The following BTBD7 variants were observed in gnomAD, a reference collection of about 807,000 sequenced individuals.
The protein encoded by BTBD7 is BTB/POZ domain-containing protein 7.
A neutral mutation model predicts 99.9 loss-of-function variants in BTBD7; 38 were observed. The ratio of observed to expected loss-of-function variants is 0.38; its 90% CI spans 0.29 to 0.50. The LOEUF (loss-of-function observed/expected upper bound fraction) is 0.50, where lower values mean the gene tolerates loss of function less well. Among genes scored for constraint, BTBD7 ranks in the 20% least tolerant of loss-of-function variants. The pLI, the probability that BTBD7 is intolerant of heterozygous loss-of-function variation, is 0.93. For missense variants in BTBD7, 1,170 were observed against 1,394.6 expected, an observed-to-expected ratio of 0.84 and a Z score of 2.57; for synonymous variants, 520 against 511.4, an observed-to-expected ratio of 1.02 and a Z score of -0.23.
intron 5 of BTBD7, among the ~76,000 whole-genome samples, chr14:93,260,890 T>C (rs2052481581): frequency 6.6e-6 from 1 of 152,062 alleles, no homozygotes; most frequent in Admixed American, 6.5e-5. Context: ...AATGAATGCT[T>C]TTTTATTTGT....
intron 10 of BTBD7, 64 bp downstream of exon 10, chr14:93,245,761 A>C (rs2052296787): frequency 6.5e-7 from 1 of 1,549,786 alleles, no homozygotes; most frequent in Admixed American, 1.8e-5. Context: ...TCTTGGGGCC[A>C]AGAAAATTGC....
At chr14:93,328,812 G>A (rs1372914955) in intron 1 of BTBD7, among the ~76,000 whole-genome samples, 1 of 151,988 alleles carries the variant, frequency 6.6e-6, no homozygotes, top group Non-Finnish European at 1.5e-5. Flanking sequence ...CAGCTGTTCG[G>A]GAGGCTGAGA....
chr14:93,248,074 T>C (rs1331534157), intron 9 of BTBD7, among the ~76,000 whole-genome samples: 1 of 152,244 alleles, frequency 6.6e-6, no homozygotes, highest in Non-Finnish European at 1.5e-5. Context: ...TCTCTGGGCA[T>C]GCACACTGTG....
At position 93,245,689 on chromosome 14, in the gene BTBD7, C is replaced by G. The variant is rs2052295975; in HGVS notation, c.2583+136G>C. 5.5e-6 allele frequency: 8 copies of G among 1,457,428 alleles called. No homozygotes were observed. In the Admixed American group the frequency reaches 1.6e-4, roughly 29 times the overall value. The allele number at this position is 1,457,428 out of a possible 1,614,324, so 90.3% of individuals were successfully genotyped here. Reference sequence around the variant, plus strand: ...GCGTTTTTCCCTCTTTTCCATACCCCTCAAGTCTATGCCTTCCACTTGTCA... The same window carrying G: ...GCGTTTTTCCCTCTTTTCCATACCCGTCAAGTCTATGCCTTCCACTTGTCA... On this transcript the variant is annotated intron_variant, in intron 10 of 10. Coordinates refer to ENST00000334746, the MANE Select transcript of BTBD7 (RefSeq NM_001002860.4).
At chr14:93,278,863 TG>T (rs2052686574) in intron 3 of BTBD7, among the ~76,000 whole-genome samples, 1 of 152,192 alleles carries the variant, frequency 6.6e-6, no homozygotes, top group Admixed American at 6.5e-5. Context: ...GGTGAATTTT[TG>T]GTACCCCATT....
chr14:93,289,426 C>G (rs569036180), intron 3 of BTBD7, among the ~76,000 whole-genome samples: 1 of 152,216 alleles, frequency 6.6e-6, no homozygotes, highest in Non-Finnish European at 1.5e-5. Context: ...TTCCACCTGG[C>G]CTGAGCCACG....
intron 3 of BTBD7, among the ~76,000 whole-genome samples, chr14:93,264,365 G>A (rs1229350717): frequency 6.6e-6 from 1 of 152,190 alleles, no homozygotes; most frequent in African/African-American, 2.4e-5. Flanking sequence ...GGAAGGAAGT[G>A]GATGACACCT....
intron 3 of BTBD7, among the ~76,000 whole-genome samples, chr14:93,281,446 CT>C (rs1243554663): frequency 3.3e-5 from 5 of 152,094 alleles, no homozygotes; most frequent in Non-Finnish European, 7.4e-5. Context: ...CCAAAAGGTA[CT>C]TTTTGTTGAC....
chr14:93,296,441 G>T (rs529575846), intron 1 of BTBD7, among the ~76,000 whole-genome samples: 1 of 152,238 alleles, frequency 6.6e-6, no homozygotes, highest in African/African-American at 2.4e-5. Context: ...TGAAAACACA[G>T]GGAAAAGTAC....
Position 93,242,395 on chromosome 14 carries a change from C to T in BTBD7, c.3277G>A (p.Asp1093Asn). 1 of 1,614,104 alleles carries T rather than the reference C, an allele frequency of 6.2e-7. No homozygotes were observed. The highest frequency in any genetic ancestry group is 1.7e-5 in the Admixed American group (1 of 60,004). Reference sequence around the variant, plus strand: ...GCTCCATGGCCCAGGGACTCACTGTCTGCCAGTCTTCTACCGGATCTCTCT... The same window carrying T: ...GCTCCATGGCCCAGGGACTCACTGTTTGCCAGTCTTCTACCGGATCTCTCT... ...PEERSGRRLA[D>N]SESLGHGAQR... is the part of the protein sequence containing the mutation. The change falls in exon 11 of 11, where the codon GAC (aspartate) becomes AAC (asparagine). Residue 1093 changes from aspartate (D) to asparagine (N), a missense_variant. Asp to Asn is a conservative substitution (Grantham distance 23). Transcript: ENST00000334746.
chr14:93,306,684 T>C (rs781168931), intron 1 of BTBD7, among the ~76,000 whole-genome samples: 1 of 152,184 alleles, frequency 6.6e-6, no homozygotes, highest in Non-Finnish European at 1.5e-5. Flanking sequence ...TAATGGTGCT[T>C]ATTTCTTGAG....
intron 10 of BTBD7, chr14:93,244,034 CG>C (rs1357556963): frequency 2.8e-6 from 1 of 352,954 alleles, no homozygotes; most frequent in African/African-American, 2.2e-5. Context: ...TAAAACCCAT[CG>C]GACTTTCTGT....
chr14:93,306,993 T>C (rs1301186010), intron 1 of BTBD7, among the ~76,000 whole-genome samples: 1 of 152,180 alleles, frequency 6.6e-6, no homozygotes, highest in Non-Finnish European at 1.5e-5. Context: ...GAAAATAACA[T>C]TTCAGAGGAA....
chr14:93,286,587 G>C (rs2139750921), intron 3 of BTBD7, among the ~76,000 whole-genome samples: 1 of 152,256 alleles, frequency 6.6e-6, no homozygotes, highest in Admixed American at 6.5e-5. Context: ...TTGTTCCTAA[G>C]AGTAGGCCAC....
At chr14:93,282,281 A>G (rs2052728824) in intron 3 of BTBD7, among the ~76,000 whole-genome samples, 1 of 151,838 alleles carries the variant, frequency 6.6e-6, no homozygotes, top group South Asian at 2.1e-4. Context: ...GAATTCTTAC[A>G]TCTTGTGATA....
At position 93,294,713 on chromosome 14, in the gene BTBD7, C is replaced by G; in HGVS notation, c.307G>C (p.Glu103Gln). ...WDVRDVNALV[E>Q]EYEGTSALKE... ...AATGCTGATGTTCCCTCATATTCCT[C>G]CACTAATGCATTGACATCTCTAACA... is the stretch of plus-strand genomic sequence containing the variant. Residue 103 changes from glutamate (E) to glutamine (Q), a missense_variant, in exon 3 of 11, where the codon GAG (glutamate) becomes CAG (glutamine). Around this residue, in one of 4 missense-constraint regions of BTBD7, gnomAD observed 359 missense variants for 497.9 expected, o/e 0.72. Coordinates refer to ENST00000334746, the MANE Select transcript of BTBD7 (RefSeq NM_001002860.4). 6.2e-7 allele frequency: 1 copy of G among 1,614,094 alleles called. No homozygotes were observed. The highest frequency in any genetic ancestry group is 8.5e-7 in the Non-Finnish European group (1 of 1,180,016).
chr14:93,300,095 T>TA (rs1240168658), intron 1 of BTBD7, among the ~76,000 whole-genome samples: 9 of 152,332 alleles, frequency 5.9e-5, no homozygotes, highest in Non-Finnish European at 1.2e-4. Context: ...TCTGTGTCAC[T>TA]AATTTACTAT....
intron 1 of BTBD7, among the ~76,000 whole-genome samples, chr14:93,300,761 TGTGTG>T (rs2052991097): frequency 1.4e-5 from 1 of 73,372 alleles, no homozygotes; most frequent in East Asian, 3.5e-4. Flanking sequence ...TGTGTGTGTG[TGTGTG>T]TGTGTGTATA....
intron 1 of BTBD7, among the ~76,000 whole-genome samples, chr14:93,321,541 T>A (rs555501797): frequency 3.9e-5 from 6 of 152,118 alleles, no homozygotes; most frequent in Admixed American, 2.0e-4. Context: ...TGCAGTGAGC[T>A]GAGATCGCGC....
Sources: allele counts gnomAD v4.1 joint callset (sites outside exome capture counted in the v4.1 genomes callset), GRCh38; gene constraint gnomAD v4.1.1; regional missense constraint gnomAD v4.1.1; transcripts MANE v1.5; gene names NCBI Gene and HGNC (gene_info 2026-07-23, HGNC 2026-07-21).